GRK3: variants seen among roughly 807,000 people sequenced by gnomAD.
GRK3 encodes the protein G protein-coupled receptor kinase 3.
Under a neutral mutation model 95.7 loss-of-function variants are expected in GRK3, and 54 were observed. That is an observed-to-expected ratio of 0.56 (90% CI 0.45 to 0.71). The LOEUF (loss-of-function observed/expected upper bound fraction) is 0.71, where lower values mean the gene tolerates loss of function less well. Ranked by LOEUF, GRK3 falls within the 30% of genes least tolerant of loss-of-function variation. The pLI is 0.00. For synonymous variants in GRK3, 281 were observed against 290.8 expected (o/e 0.97, Z 0.34); for missense variants, 649 against 851.2 (o/e 0.76, Z 2.96).
chr22:25,592,386 T>G (rs1932523110), intron 1 of GRK3, among the ~76,000 whole-genome samples: 1 of 152,186 alleles, frequency 6.6e-6, no homozygotes, highest in South Asian at 2.1e-4. Flanking sequence ...GATCTTCAAT[T>G]GGATAGATGG....
At chr22:25,671,669 G>A (rs1029175979) in intron 6 of GRK3, among the ~76,000 whole-genome samples, 6 of 152,210 alleles carry the variant, frequency 3.9e-5, no homozygotes, top group African/African-American at 1.4e-4. Context: ...GCTATAAAAT[G>A]GGGATCATAA....
At chr22:25,664,794 C>T (rs1377471277) in intron 5 of GRK3, among the ~76,000 whole-genome samples, 3 of 152,134 alleles carry the variant, frequency 2.0e-5, no homozygotes, top group African/African-American at 4.8e-5. Context: ...GCTGGGATTA[C>T]AGGCATGAGC....
At chr22:25,607,110 A>T (rs981067326) in intron 2 of GRK3, among the ~76,000 whole-genome samples, 2 of 152,048 alleles carry the variant, frequency 1.3e-5, no homozygotes, top group African/African-American at 4.8e-5. Context: ...ATATATATAT[A>T]TTTACATCAC....
intron 1 of GRK3, among the ~76,000 whole-genome samples, chr22:25,575,977 A>G (rs560405732): frequency 6.6e-6 from 1 of 152,352 alleles, no homozygotes; most frequent in East Asian, 1.9e-4. Flanking sequence ...TTCTCTTCCT[A>G]TAGGCCTCTG....
At position 25,690,216 on chromosome 22, in the gene GRK3, G is replaced by A; in HGVS notation, c.985G>A (p.Gly329Arg). The A allele has an allele frequency of 6.2e-7, 1 of 1,613,980 alleles. No individual in the cohort carries two copies. The highest frequency in any genetic ancestry group is 8.5e-7 in the Non-Finnish European group (1 of 1,179,886). ...KPANILLDEH[G>R]HARISDLGLA... is the part of the protein sequence containing the mutation. ...AGCAAATATTCTCTTGGATGAACAT[G>A]GACACGCAAGAATATCAGATCTTGG... Residue 329 changes from glycine to arginine, a missense_variant, in exon 12 of 21, where the codon GGA becomes AGA. Gly to Arg is a moderately radical substitution (Grantham distance 125). Transcript: ENST00000324198.
intron 18 of GRK3, among the ~76,000 whole-genome samples, chr22:25,716,765 C>T (rs1049717084): frequency 6.6e-6 from 1 of 152,200 alleles, no homozygotes; most frequent in South Asian, 2.1e-4. Flanking sequence ...AGCCATACAG[C>T]AGGGGTTCCC....
intron 15 of GRK3, among the ~76,000 whole-genome samples, chr22:25,704,536 G>C (rs2146456450): frequency 6.6e-6 from 1 of 152,246 alleles, no homozygotes; most frequent in Admixed American, 6.5e-5. Context: ...TCAGCCTCCT[G>C]AGTAGCTAGG....
At chr22:25,667,003 G>T (rs1169675894) in intron 5 of GRK3, among the ~76,000 whole-genome samples, 1 of 152,202 alleles carries the variant, frequency 6.6e-6, no homozygotes, top group East Asian at 1.9e-4. Context: ...GTAGATGGTA[G>T]TTGTTCTCCA....
intron 2 of GRK3, among the ~76,000 whole-genome samples, chr22:25,610,627 G>C (rs565956994): frequency 6.6e-6 from 1 of 152,038 alleles, no homozygotes; most frequent in Admixed American, 6.6e-5. Context: ...CCCATTTGTC[G>C]TTACTCTGCT....
chr22:25,703,655 T>TA, intron 14 of GRK3, 79 bp downstream of exon 14: 1 of 1,087,922 alleles, frequency 9.2e-7, no homozygotes, highest in Non-Finnish European at 1.4e-6. Context: ...AAAATGCTAT[T>TA]ACATAAAATG....
intron 13 of GRK3, 53 bp downstream of exon 13, chr22:25,695,267 A>G (rs1268267387): frequency 7.9e-7 from 1 of 1,269,802 alleles, no homozygotes; most frequent in Non-Finnish European, 1.1e-6. Flanking sequence ...AGGAGCTTGG[A>G]TGAAAACTGA....
At chr22:25,569,014 A>G (rs765677460) in intron 1 of GRK3, among the ~76,000 whole-genome samples, 14 of 152,216 alleles carry the variant, frequency 9.2e-5, no homozygotes, top group African/African-American at 1.7e-4. Flanking sequence ...TTTAGTGGAC[A>G]TGGAGTTTAT....
intron 2 of GRK3, among the ~76,000 whole-genome samples, chr22:25,628,616 T>A (rs909410856): frequency 1.3e-5 from 2 of 152,210 alleles, no homozygotes; most frequent in African/African-American, 4.8e-5. Context: ...AGTGGAAAAT[T>A]AGAGTTCATG....
At chr22:25,677,501 A>G (rs1230043906) in intron 8 of GRK3, among the ~76,000 whole-genome samples, 7 of 152,124 alleles carry the variant, frequency 4.6e-5, no homozygotes, top group Non-Finnish European at 8.8e-5. Context: ...TAAAAATAAG[A>G]TATTTGAAGA....
chr22:25,648,676 A>G lies in GRK3; in HGVS notation c.264+4011A>G, dbSNP rs570258240. 2.0e-4 allele frequency: 210 copies of G among 1,036,240 alleles called. 1 individual carries two copies. The highest frequency in any genetic ancestry group is 8.1e-4 in the Middle Eastern group (4 of 4,918). The allele number at this position is 1,036,240 out of a possible 1,614,324, so 64.2% of individuals were successfully genotyped here. A position where few individuals can be genotyped will look rare whatever the true frequency, so the allele number is the denominator to read the frequency against. On this transcript the variant is annotated intron_variant, in intron 3 of 20. Coordinates refer to ENST00000324198, the MANE Select transcript of GRK3 (RefSeq NM_005160.4). ...TTGATGTCAAAAGGAAGCTTATTCA[A>G]TTTCCTTAAGGAAGGAGATGGAAAG...
At chr22:25,590,696 C>T (rs1007913031) in intron 1 of GRK3, among the ~76,000 whole-genome samples, 2 of 152,098 alleles carry the variant, frequency 1.3e-5, no homozygotes, top group African/African-American at 2.4e-5. Context: ...TGGTGGGCAC[C>T]CACAGTCCCA....
At chr22:25,639,461 TG>T (rs1248972438) in intron 2 of GRK3, among the ~76,000 whole-genome samples, 2 of 152,330 alleles carry the variant, frequency 1.3e-5, no homozygotes, top group East Asian at 3.9e-4. Flanking sequence ...TATATAAATG[TG>T]GGCATATTCT....
chr22:25,661,845 G>A, intron 4 of GRK3, among the ~76,000 whole-genome samples, 168 bp downstream of exon 4: 1 of 152,150 alleles, frequency 6.6e-6, no homozygotes. Flanking sequence ...ATATTACCAC[G>A]ATGTGTGTTG....
chr22:25,716,672 T>G (rs59423071), intron 18 of GRK3, among the ~76,000 whole-genome samples: 1 of 152,000 alleles, frequency 6.6e-6, no homozygotes, highest in East Asian at 1.9e-4. Context: ...TCTGCATCTG[T>G]GGATTCGACC....
Sources: gnomAD v4.1 joint callset for allele counts (sites outside exome capture counted in the v4.1 genomes callset) on GRCh38, gnomAD v4.1.1 for gene constraint, MANE v1.5 for transcripts, NCBI Gene and HGNC (gene_info 2026-07-23, HGNC 2026-07-21) for gene names.